ZNF318: variants seen among roughly 807,000 people sequenced by gnomAD.
ZNF318 encodes endocrine regulator.
In ZNF318, 51 loss-of-function variants were observed where a neutral mutation model predicts 124.2. That is an observed-to-expected ratio of 0.41 (90% confidence interval 0.33 to 0.52). The LOEUF (loss-of-function observed/expected upper bound fraction) is 0.52, where lower values mean the gene tolerates loss of function less well. Among genes scored for constraint, ZNF318 ranks in the 20% least tolerant of loss-of-function variants. ZNF318 has a pLI of 0.23. For missense variants in ZNF318, 2,815 were observed against 2,811.2 expected, an observed-to-expected ratio of 1.00 and a Z score of -0.03; for synonymous variants, 1,090 against 1,040.7, an observed-to-expected ratio of 1.05 and a Z score of -0.91.
chr6:43,354,994 T>C lies in ZNF318; in HGVS notation c.2340A>G (p.Gly780=). The C allele has an allele frequency of 2.5e-6, 4 of 1,609,918 alleles. No homozygotes were observed. Among genetic ancestry groups the C allele is most frequent in the Non-Finnish European group, 3.4e-6 (4 of 1,177,902 alleles). ...CAAAAGAGGCAGGGGGAATGGCAGG[T>C]CCCTGGTAGTTCGGAGGTATCCGAG... ...AAARIPPNYQ[G]PAIPPASFDA... Residue 780 remains glycine, a synonymous_variant, in exon 4 of 10, where the codon GGA becomes GGG. Transcript: ENST00000361428.
chr6:43,339,769 A>C lies in ZNF318; in HGVS notation c.4229T>G (p.Phe1410Cys). 6.2e-7 allele frequency: 1 copy of C among 1,614,094 alleles called. No homozygotes were observed. Among genetic ancestry groups the C allele is most frequent in the Non-Finnish European group, 8.5e-7 (1 of 1,180,018 alleles). Residue 1410 changes from phenylalanine (F) to cysteine (C), a missense_variant, in exon 10 of 10, where the codon TTT becomes TGT. Transcript: ENST00000361428. This position sits in a 1 kb window ranked among gnomAD's most constrained non-coding sequence, Gnocchi z 4.2. The stretch of plus-strand genomic sequence containing the variant: ...TTTTAGAATCACCTCTTCCCCTCCA[A>C]ATGCTTTGGAGATGATGTCTGGAGG... Reference protein sequence around the residue: ...LLPPDIISKAFGGEEVILKGS... With the variant: ...LLPPDIISKACGGEEVILKGS...
rs762837434 is a variant in ZNF318 at position 43,354,845 on chromosome 6, C to T, written c.2489G>A (p.Arg830His). The T allele has an allele frequency of 1.9e-6, 3 of 1,614,088 alleles. No homozygotes were observed. Among genetic ancestry groups the T allele is most frequent in the South Asian group, 1.1e-5 (1 of 91,084 alleles). The change falls in exon 4 of 10, where the codon CGT (arginine) becomes CAT (histidine). Residue 830 changes from arginine to histidine, a missense_variant. Transcript: ENST00000361428. ...GATCACACGAAGATTGGGACGGCTA[C>T]GAGTAGCTTGTTTGGTTATTGGCAT... is the stretch of plus-strand genomic sequence containing the variant. Reference protein sequence around the residue: ...RIMPITKQATRSRPNLRVIPT... With the variant: ...RIMPITKQATHSRPNLRVIPT...
chr6:43,351,938 C>T (rs1779529336), intron 5 of ZNF318, among the ~76,000 whole-genome samples: 1 of 151,960 alleles, frequency 6.6e-6, no homozygotes, highest in Admixed American at 6.6e-5. Flanking sequence ...GTGAGGAGTT[C>T]GAGACCAAAC....
chr6:43,358,126 G>A (rs911500163), intron 2 of ZNF318, among the ~76,000 whole-genome samples: 1 of 152,308 alleles, frequency 6.6e-6, no homozygotes, highest in Admixed American at 6.5e-5. Flanking sequence ...GAACTTTTTA[G>A]AAATATAGCT....
chr6:43,359,964 C>T (rs948144938), intron 2 of ZNF318, among the ~76,000 whole-genome samples: 2 of 152,130 alleles, frequency 1.3e-5, no homozygotes, highest in African/African-American at 4.8e-5. Flanking sequence ...GCCATAAACA[C>T]ACCTATTTCC....
intron 2 of ZNF318, among the ~76,000 whole-genome samples, chr6:43,362,189 C>T (rs1436114107): frequency 6.6e-6 from 1 of 151,462 alleles, no homozygotes; most frequent in Non-Finnish European, 1.5e-5. Context: ...GGGCCAGGCG[C>T]GGTGGCTCAC....
intron 2 of ZNF318, 56 bp downstream of exon 2, chr6:43,365,236 C>A: frequency 6.4e-7 from 1 of 1,556,002 alleles, no homozygotes; most frequent in Admixed American, 1.9e-5. Flanking sequence ...CGGAAAACAG[C>A]AACATTTCTG....
At chr6:43,356,910 T>C (rs1048381529) in intron 3 of ZNF318, among the ~76,000 whole-genome samples, 1 of 152,240 alleles carries the variant, frequency 6.6e-6, no homozygotes, top group Non-Finnish European at 1.5e-5. Flanking sequence ...AATATCTATT[T>C]ATTAATATAA....
In ZNF318 at chr6:43,369,266, C is replaced by G; in HGVS notation, c.100G>C (p.Gly34Arg). Reference protein sequence around the residue: ...RSGRSSGSSSGPARRSSPPPP... With the variant: ...RSGRSSGSSSRPARRSSPPPP... Reference sequence around the variant, plus strand: ...GGCGGTGAGCTGCGGCGAGCCGGGCCTGAGGAGGAGCCAGAGCTGCGGCCG... The same window carrying G: ...GGCGGTGAGCTGCGGCGAGCCGGGCGTGAGGAGGAGCCAGAGCTGCGGCCG... The change falls in exon 1 of 10, where the codon GGC (glycine) becomes CGC (arginine). Residue 34 changes from glycine to arginine, a missense_variant. By Grantham distance (125) the Gly-to-Arg change is moderately radical. Transcript: ENST00000361428. 1 of 1,300,436 alleles carries G rather than the reference C, an allele frequency of 7.7e-7. No individual in the cohort carries two copies. Among genetic ancestry groups the G allele is most frequent in the Non-Finnish European group, 9.8e-7 (1 of 1,021,732 alleles). 80.6% of individuals were successfully genotyped at this position (1,300,436 alleles called of 1,614,324 possible). A position where few individuals can be genotyped will look rare whatever the true frequency, so the allele number is the denominator to read the frequency against.
Position 43,342,879 on chromosome 6 carries a change from C to A in ZNF318, c.3073G>T (p.Glu1025Ter). ...AACTTCTCATTGTTTACTTTTGATT[C>A]CTAGAGGGGAAAAATCTGTACTTAC... ...SSFSNSSSNK[E>*]SKVNNEKFRT... Residue 1025 changes from glutamate (E) to a stop codon, truncating the protein, a stop_gained and splice_region_variant, in exon 7 of 10, where the codon GAA becomes TAA. Transcript: ENST00000361428. LOFTEE classifies it high-confidence loss of function. 1.2e-6 allele frequency: 2 copies of A among 1,606,510 alleles called. No homozygotes were observed. Among genetic ancestry groups the A allele is most frequent in the South Asian group, 1.1e-5 (1 of 90,432 alleles).
At chr6:43,362,114 G>A (rs1410926506) in intron 2 of ZNF318, among the ~76,000 whole-genome samples, 1 of 151,830 alleles carries the variant, frequency 6.6e-6, no homozygotes, top group African/African-American at 2.4e-5. Context: ...AGCTATGATC[G>A]TGCCACTGCA....
In ZNF318 at chr6:43,340,110, A is replaced by G; in HGVS notation, c.3888T>C (p.Ser1296=). The part of the protein sequence containing the change: ...EKSSLVTPSI[S]KEEILESSKD... ...TACTACTTTCTAGAATCTCTTCTTT[A>G]GAGATACTTGGGGTCACCAATGAAC... Residue 1296 remains serine, a synonymous_variant, in exon 10 of 10, where the codon TCT becomes TCC. Coordinates refer to ENST00000361428, the MANE Select transcript of ZNF318 (RefSeq NM_014345.3). 1 of 1,614,170 alleles carries G rather than the reference A, an allele frequency of 6.2e-7. No individual in the cohort carries two copies. Among genetic ancestry groups the G allele is most frequent in the Non-Finnish European group, 8.5e-7 (1 of 1,180,028 alleles).
intron 6 of ZNF318, among the ~76,000 whole-genome samples, chr6:43,344,080 G>C (rs186551794): frequency 6.6e-6 from 1 of 152,224 alleles, no homozygotes; most frequent in South Asian, 2.1e-4. Flanking sequence ...ACAAGATGAA[G>C]AGCTGGGTAC....
At chr6:43,342,020 A>G in intron 8 of ZNF318, 92 bp downstream of exon 8, 1 of 1,113,066 alleles carries the variant, frequency 9.0e-7, no homozygotes, top group Non-Finnish European at 1.4e-6. Context: ...TGGCTGTCTC[A>G]TGCTATGCTG....
At chr6:43,360,286 A>C (rs890647500) in intron 2 of ZNF318, among the ~76,000 whole-genome samples, 4 of 152,254 alleles carry the variant, frequency 2.6e-5, no homozygotes, top group African/African-American at 9.6e-5. Flanking sequence ...TTTCTTAAAA[A>C]AGCTATCACA....
intron 1 of ZNF318, among the ~76,000 whole-genome samples, chr6:43,367,862 T>C (rs1358679214): frequency 2.6e-5 from 4 of 152,128 alleles, no homozygotes; most frequent in African/African-American, 4.8e-5. Flanking sequence ...ACTTTGTTAC[T>C]AAGTTTAAAA....
chr6:43,367,821 T>C (rs1443355897), intron 1 of ZNF318, among the ~76,000 whole-genome samples: 1 of 152,160 alleles, frequency 6.6e-6, no homozygotes, highest in South Asian at 2.1e-4. Context: ...AGTACTTACA[T>C]ACATGTTAGA....
At chr6:43,354,628 A>G in intron 4 of ZNF318, 36 bp downstream of exon 4, 1 of 1,534,538 alleles carries the variant, frequency 6.5e-7, no homozygotes, top group Non-Finnish European at 8.8e-7. Context: ...GCAAAACAGA[A>G]AACTCAGGCA....
rs1287387170 is a variant in ZNF318 at position 43,338,951 on chromosome 6, T to C, written c.5047A>G (p.Ser1683Gly). 1 of 1,614,196 alleles carries C rather than the reference T, an allele frequency of 6.2e-7. No individual in the cohort carries two copies. Among genetic ancestry groups the C allele is most frequent in the Non-Finnish European group, 8.5e-7 (1 of 1,180,028 alleles). ...FLQPLTRLCQ[S>G]RPYETITPKT... ...GGGGTAATTGTTTCATAAGGCCTGC[T>C]TTGGCACAACCTTGTCAGAGGCTGT... The change falls in exon 10 of 10, where the codon AGC (serine) becomes GGC (glycine). Residue 1683 changes from serine (S) to glycine (G), a missense_variant. Physicochemically the swap from Ser to Gly is moderately conservative, Grantham distance 56 (BLOSUM62 0). Transcript: ENST00000361428.
Sources: allele counts gnomAD v4.1 joint callset (sites outside exome capture counted in the v4.1 genomes callset), GRCh38; gene constraint gnomAD v4.1.1; non-coding constraint Gnocchi (gnomAD v3.1); transcripts MANE v1.5; gene names NCBI Gene and HGNC (gene_info 2026-07-23, HGNC 2026-07-21).